PCDH15: variants seen among roughly 807,000 people sequenced by gnomAD.
PCDH15 encodes protocadherin related 15, also known as protocadherin-15.
PCDH15 carries 129 observed loss-of-function variants against 178.5 expected under a neutral mutation model. That is an observed-to-expected ratio of 0.72 (90% CI 0.63 to 0.84). The LOEUF is 0.84. PCDH15 is among the 40% of genes least tolerant of loss of function. The pLI, the probability that PCDH15 is intolerant of heterozygous loss-of-function variation, is 0.00. For missense variants in PCDH15, 2,230 were observed against 2,099.9 expected (o/e 1.06, Z -1.21); for synonymous variants, 800 against 732.0 (o/e 1.09, Z -1.50).
At position 54,307,009 on chromosome 10, in the gene PCDH15, TATATAC is replaced by T. The variant is rs201072071; in HGVS notation, c.876+10256_876+10261del. On this transcript the variant is annotated intron_variant, in intron 8 of 37. Coordinates refer to ENST00000644397, the MANE Select transcript of PCDH15 (RefSeq NM_001384140.1). ...GCTTGTTTGAAATTAAATATATATA[TATATAC>T]ATATATATATATATGTGTGTGTGTG... is the stretch of plus-strand genomic sequence containing the variant. Among the ~76,000 whole-genome samples, 44 of 50,362 alleles carry T rather than the reference TATATAC, an allele frequency of 8.7e-4. 1 individual carries two copies. The highest frequency in any genetic ancestry group is 1.6e-3 in the Non-Finnish European group (32 of 19,846). The allele number at this position is 50,362 out of a possible 152,430, so 33.0% of individuals were successfully genotyped here.
At chr10:54,597,264 C>A (rs1449879116) in intron 2 of PCDH15, among the ~76,000 whole-genome samples, 1 of 152,002 alleles carries the variant, frequency 6.6e-6, no homozygotes, top group Non-Finnish European at 1.5e-5. Context: ...GACAACAGCA[C>A]AATAAACATA....
chr10:54,615,140 C>T (rs924185088), intron 2 of PCDH15, among the ~76,000 whole-genome samples: 2 of 151,942 alleles, frequency 1.3e-5, no homozygotes, highest in African/African-American at 4.8e-5. Context: ...AATAACTATA[C>T]CTCAGGCGAG....
chr10:55,549,657 G>C (rs1021246482), intron 2 of PCDH15, among the ~76,000 whole-genome samples: 1 of 152,040 alleles, frequency 6.6e-6, no homozygotes, highest in Non-Finnish European at 1.5e-5. Context: ...GGTTGTCTTT[G>C]GCTGATGCAC....
intron 2 of PCDH15, among the ~76,000 whole-genome samples, chr10:55,163,434 T>C (rs542525159): frequency 8.5e-5 from 13 of 152,278 alleles, no homozygotes; most frequent in East Asian, 3.9e-4. Flanking sequence ...TGAAAACTTA[T>C]TGATTTTATC....
chr10:54,285,646 G>A (rs1315179083), intron 8 of PCDH15, among the ~76,000 whole-genome samples: 1 of 152,068 alleles, frequency 6.6e-6, no homozygotes, highest in Non-Finnish European at 1.5e-5. Context: ...CAGTGTTTAT[G>A]AAAAACAATA....
intron 2 of PCDH15, among the ~76,000 whole-genome samples, chr10:55,494,755 T>A (rs1376834806): frequency 6.6e-6 from 1 of 151,766 alleles, no homozygotes; most frequent in East Asian, 1.9e-4. Flanking sequence ...GTGAGATATA[T>A]ATGTAGCATA....
chr10:54,160,408 T>C (rs1425840733), intron 13 of PCDH15, among the ~76,000 whole-genome samples: 2 of 152,102 alleles, frequency 1.3e-5, no homozygotes, highest in Admixed American at 1.3e-4. Context: ...TCACAGCATA[T>C]GTAAAATTAA....
intron 2 of PCDH15, among the ~76,000 whole-genome samples, chr10:55,078,708 T>C (rs1841968929): frequency 1.3e-5 from 2 of 152,078 alleles, no homozygotes. Flanking sequence ...ATTTCTGAGA[T>C]TTTAGTGTAC....
At chr10:55,003,785 T>G (rs953163653) in intron 2 of PCDH15, among the ~76,000 whole-genome samples, 1 of 150,684 alleles carries the variant, frequency 6.6e-6, no homozygotes, top group Non-Finnish European at 1.5e-5. Context: ...TTAGAAGGAT[T>G]GGCCTCATAC....
chr10:53,930,401 C>T (rs149141928), intron 25 of PCDH15, among the ~76,000 whole-genome samples: 370 of 118,026 alleles, frequency 3.1e-3, no homozygotes, highest in African/African-American at 0.011. Context: ...GAGCTTGCAA[C>T]GAGCTGAGAC....
At chr10:54,697,512 T>TGA (rs1171784551) in intron 1 of PCDH15, among the ~76,000 whole-genome samples, 1 of 135,032 alleles carries the variant, frequency 7.4e-6, no homozygotes. Flanking sequence ...TATTGAAATG[T>TGA]GTGTATATAT....
intron 14 of PCDH15, among the ~76,000 whole-genome samples, chr10:54,143,607 T>C (rs1332467808): frequency 6.6e-6 from 1 of 152,196 alleles, no homozygotes; most frequent in African/African-American, 2.4e-5. Flanking sequence ...CAATAATTGA[T>C]TGCATGGACT....
chr10:54,208,088 AG>A (rs2051011341), intron 10 of PCDH15, among the ~76,000 whole-genome samples: 1 of 152,020 alleles, frequency 6.6e-6, no homozygotes, highest in African/African-American at 2.4e-5. Context: ...TTTAAAAAAA[AG>A]GAGAACACAA....
At chr10:54,031,394 T>C (rs1408331309) in intron 18 of PCDH15, among the ~76,000 whole-genome samples, 2 of 152,066 alleles carry the variant, frequency 1.3e-5, no homozygotes. Flanking sequence ...TATTTAAGTA[T>C]GCTACGCAAT....
intron 13 of PCDH15, among the ~76,000 whole-genome samples, chr10:54,169,155 C>T (rs1308007084): frequency 1.3e-5 from 2 of 149,194 alleles, no homozygotes; most frequent in African/African-American, 5.0e-5. Context: ...CAGCCACTCC[C>T]AGAGCCCCTG....
rs188172276 is a variant in PCDH15, at chr10:54,557,035, C to G, written c.92-29158G>C. ...TTTACTTTATCAGAATCTTTAAAGA[C>G]TATTCATCTTTAAAGTTATCCATAA... On this transcript the variant is annotated intron_variant, in intron 2 of 37. Coordinates refer to ENST00000644397, the MANE Select transcript of PCDH15 (RefSeq NM_001384140.1). Among the ~76,000 whole-genome samples, 1,059 of 152,138 alleles carry G rather than the reference C, an allele frequency of 7.0e-3. 12 individuals are homozygous for G. The highest frequency in any genetic ancestry group is 0.034 in the Middle Eastern group (10 of 294).
At position 55,076,434 on chromosome 10, in the gene PCDH15, T is replaced by C. The variant is rs146330220; in HGVS notation, c.-80+90142A>G. ...AGAATTATATCCTCTTGCTGTGTTT[T>C]TTTTTTTTTATCTTCTTGGTGACTC... is the stretch of plus-strand genomic sequence containing the variant. On this transcript the variant is annotated intron_variant, in intron 2 of 5. Transcript: ENST00000458638. Among the ~76,000 whole-genome samples the C allele has an allele frequency of 1.4e-3, 208 of 151,956 alleles. 1 individual carries two copies. Among genetic ancestry groups the C allele is most frequent in the African/African-American group, 4.7e-3 (195 of 41,508 alleles).
intron 19 of PCDH15, 92 bp from the exon 20 acceptor site, chr10:54,020,508 G>C: frequency 8.2e-7 from 1 of 1,219,194 alleles, no homozygotes. Context: ...GCCTAGGACA[G>C]CATCAATTTA....
At chr10:54,934,814 G>C (rs1454917193) in intron 2 of PCDH15, among the ~76,000 whole-genome samples, 6 of 151,802 alleles carry the variant, frequency 4.0e-5, no homozygotes, top group South Asian at 2.1e-4. Flanking sequence ...CAATAGCAAA[G>C]ACTTGGAACC....
Sources: gnomAD v4.1 joint callset for allele counts (sites outside exome capture counted in the v4.1 genomes callset) on GRCh38, gnomAD v4.1.1 for gene constraint, MANE v1.5 for transcripts, NCBI Gene and HGNC (gene_info 2026-07-23, HGNC 2026-07-21) for gene names.